The following TTBK2 variants were observed in gnomAD, a reference collection of about 807,000 sequenced individuals.
The protein encoded by TTBK2 is tau tubulin kinase 2.
A neutral mutation model predicts 110.8 loss-of-function variants in TTBK2; 28 were observed. The ratio of observed to expected loss-of-function variants is 0.25; its 90% confidence interval spans 0.19 to 0.35. The LOEUF (loss-of-function observed/expected upper bound fraction) is 0.35, where lower values mean the gene tolerates loss of function less well. Among genes scored for constraint, TTBK2 ranks in the 10% least tolerant of loss-of-function variants. The probability of loss-of-function intolerance (pLI) is 1.00; values close to 1 mark genes in which losing one functional copy is unlikely to be tolerated. For synonymous variants in TTBK2, 532 were observed against 527.3 expected, an observed-to-expected ratio of 1.01 and a Z score of -0.12; for missense variants, 1,369 against 1,500.3, an observed-to-expected ratio of 0.91 and a Z score of 1.45.
At chr15:42,919,341 A>G (rs1180286783) in intron 1 of TTBK2, among the ~76,000 whole-genome samples, 2 of 152,236 alleles carry the variant, frequency 1.3e-5, no homozygotes, top group Non-Finnish European at 2.9e-5. Flanking sequence ...TTGATAAGTT[A>G]AAATCATTTC....
chr15:42,779,829 A>G (rs967700832), intron 11 of TTBK2, among the ~76,000 whole-genome samples: 1 of 151,968 alleles, frequency 6.6e-6, no homozygotes, highest in African/African-American at 2.4e-5. Context: ...AAAAATACAA[A>G]AAATTAGTCG....
chr15:42,850,556 G>C (rs1451307866), intron 3 of TTBK2, among the ~76,000 whole-genome samples: 1 of 152,110 alleles, frequency 6.6e-6, no homozygotes, highest in Non-Finnish European at 1.5e-5. Flanking sequence ...ATCTTATCTG[G>C]AACCAGAACC....
chr15:42,750,958 C>G (rs2061857353), intron 14 of TTBK2, among the ~76,000 whole-genome samples: 1 of 152,138 alleles, frequency 6.6e-6, no homozygotes, highest in African/African-American at 2.4e-5. Context: ...GAAATGTCAA[C>G]TAAGAATCCT....
chr15:42,759,164 C>G (rs1407239732), intron 13 of TTBK2, among the ~76,000 whole-genome samples: 1 of 152,216 alleles, frequency 6.6e-6, no homozygotes, highest in Admixed American at 6.5e-5. Flanking sequence ...TGATTTGAGT[C>G]CTGCACAGCA....
chr15:42,742,064 T>C lies in TTBK2; in HGVS notation c.*3731A>G, dbSNP rs1595868950. 1 of 152,226 alleles carries C rather than the reference T, an allele frequency of 6.6e-6. No individual in the cohort carries two copies. Among genetic ancestry groups the C allele is most frequent in the East Asian group, 1.9e-4 (1 of 5,204 alleles). 9.4% of individuals were successfully genotyped at this position (152,226 alleles called of 1,614,324 possible). ...GTGGCCTGGAAGGAATCTCTGAAGA[T>C]ACTGAAGAACCTCAAGTTCCCTACA... On this transcript the variant is annotated 3_prime_UTR_variant, in exon 15 of 15. Transcript: ENST00000267890.
chr15:42,905,070 C>A (rs1211065781), intron 1 of TTBK2, among the ~76,000 whole-genome samples: 1 of 151,868 alleles, frequency 6.6e-6, no homozygotes, highest in Admixed American at 6.6e-5. Context: ...CAGGATTTCG[C>A]CATGTTGGCC....
At chr15:42,799,629 T>G in intron 9 of TTBK2, among the ~76,000 whole-genome samples, 1 of 151,936 alleles carries the variant, frequency 6.6e-6, no homozygotes, top group East Asian at 1.9e-4. Flanking sequence ...AGAGACAGGG[T>G]TTTGCCATGT....
At chr15:42,874,885 C>T (rs1365049797) in intron 2 of TTBK2, among the ~76,000 whole-genome samples, 1 of 151,112 alleles carries the variant, frequency 6.6e-6, no homozygotes, top group Admixed American at 6.6e-5. Flanking sequence ...ACTCAGGAGG[C>T]TGAGACAGGA....
intron 1 of TTBK2, among the ~76,000 whole-genome samples, chr15:42,916,997 T>C (rs973135717): frequency 3.3e-5 from 5 of 152,192 alleles, no homozygotes; most frequent in African/African-American, 9.6e-5. Context: ...TTTAAAAAAA[T>C]AATGATTCTG....
At chr15:42,829,892 A>C in intron 5 of TTBK2, 46 bp downstream of exon 5, 2 of 1,610,424 alleles carry the variant, frequency 1.2e-6, no homozygotes, top group Non-Finnish European at 1.7e-6. Context: ...TCATAACATT[A>C]AAAGTATCAA....
chr15:42,830,024 T>C lies in TTBK2; in HGVS notation c.346A>G (p.Ser116Gly). 1 of 1,614,180 alleles carries C rather than the reference T, an allele frequency of 6.2e-7. No homozygotes were observed. ...RSQSRGTFTI[S>G]TTLRLGRQIL... ...TGTCTACCCAGCCGGAGAGTGGTAC[T>C]AATGGTGAATGTGCCTCGGGACTGG... The change falls in exon 5 of 15, where the codon AGT becomes GGT. Residue 116 changes from serine to glycine, a missense_variant. Coordinates refer to ENST00000267890, the MANE Select transcript of TTBK2 (RefSeq NM_173500.4).
chr15:42,740,471 A>C lies in TTBK2; in HGVS notation c.*5324T>G, dbSNP rs1241343183. 1 of 152,196 alleles carries C rather than the reference A, an allele frequency of 6.6e-6. No individual in the cohort carries two copies. Among genetic ancestry groups the C allele is most frequent in the East Asian group, 1.9e-4 (1 of 5,202 alleles). The allele number at this position is 152,196 out of a possible 1,614,324, so 9.4% of individuals were successfully genotyped here. Reference sequence around the variant, plus strand: ...AAGGGAATAATTAAACATCAAGCTTAAATATTTTTTTAAGTAGGAGCAGAC... The same window carrying C: ...AAGGGAATAATTAAACATCAAGCTTCAATATTTTTTTAAGTAGGAGCAGAC... On this transcript the variant is annotated 3_prime_UTR_variant, in exon 15 of 15. Coordinates refer to ENST00000267890, the MANE Select transcript of TTBK2 (RefSeq NM_173500.4).
intron 3 of TTBK2, among the ~76,000 whole-genome samples, chr15:42,862,640 G>A (rs1894204257): frequency 1.3e-5 from 2 of 152,190 alleles, no homozygotes; most frequent in African/African-American, 4.8e-5. Context: ...TGTAATCCCA[G>A]CACTTTGGGA....
Position 42,738,834 on chromosome 15 carries a change from T to A in TTBK2, c.*6961A>T, listed in dbSNP as rs552180092. The A allele has an allele frequency of 3.9e-5, 6 of 152,320 alleles. No homozygotes were observed. The highest frequency in any genetic ancestry group is 1.4e-4 in the African/African-American group (6 of 41,564). 9.4% of individuals were successfully genotyped at this position (152,320 alleles called of 1,614,324 possible). On this transcript the variant is annotated 3_prime_UTR_variant, in exon 15 of 15. Transcript: ENST00000267890. ...CCTGGGCTGCTTTTTCTAGGGAACT[T>A]CTAGATGTGGTACTGCATTTACAGT...
At chr15:42,824,962 G>A (rs1264279922) in intron 6 of TTBK2, among the ~76,000 whole-genome samples, 1 of 151,962 alleles carries the variant, frequency 6.6e-6, no homozygotes, top group Admixed American at 6.6e-5. Flanking sequence ...AAAAAGCAGA[G>A]GAGGCCAGGT....
chr15:42,888,025 G>A (rs940122058), intron 1 of TTBK2, among the ~76,000 whole-genome samples: 8 of 151,986 alleles, frequency 5.3e-5, no homozygotes, highest in East Asian at 1.9e-4. Context: ...TGGTTAGTGC[G>A]GTCAGAATTC....
intron 9 of TTBK2, among the ~76,000 whole-genome samples, chr15:42,795,707 G>C (rs994975518): frequency 3.9e-5 from 6 of 151,972 alleles, no homozygotes; most frequent in African/African-American, 1.5e-4. Context: ...GCCGGGTGTG[G>C]TGGTACACGC....
intron 3 of TTBK2, among the ~76,000 whole-genome samples, chr15:42,844,626 C>A (rs1893371054): frequency 6.6e-6 from 1 of 152,186 alleles, no homozygotes; most frequent in Non-Finnish European, 1.5e-5. Flanking sequence ...GTCTCTATAT[C>A]AAGCATGTTA....
At chr15:42,915,592 G>A (rs994216877) in intron 1 of TTBK2, among the ~76,000 whole-genome samples, 2 of 152,186 alleles carry the variant, frequency 1.3e-5, no homozygotes, top group African/African-American at 4.8e-5. Context: ...CCCCTTAGAT[G>A]GGGATGACTA....
Sources: allele counts gnomAD v4.1 joint callset (sites outside exome capture counted in the v4.1 genomes callset), GRCh38; gene constraint gnomAD v4.1.1; transcripts MANE v1.5; gene names NCBI Gene and HGNC (gene_info 2026-07-23, HGNC 2026-07-21).